The following MTHFD1 variants were observed in gnomAD, a reference collection of about 807,000 sequenced individuals.
The protein encoded by MTHFD1 is methylenetetrahydrofolate dehydrogenase, cyclohydrolase and formyltetrahydrofolate synthetase 1, also known as C-1-tetrahydrofolate synthase, cytoplasmic.
Under a neutral mutation model 110.3 loss-of-function variants are expected in MTHFD1, and 44 were observed. The ratio of observed to expected loss-of-function variants is 0.40; its 90% CI spans 0.31 to 0.51. The LOEUF is 0.51. Ranked by LOEUF, MTHFD1 falls within the 20% of genes least tolerant of loss-of-function variation. The probability of loss-of-function intolerance (pLI) is 0.60; values close to 1 mark genes in which losing one functional copy is unlikely to be tolerated. For synonymous variants in MTHFD1, 402 were observed against 428.8 expected (o/e 0.94, Z 0.77); for missense variants, 909 against 1,173.1 (o/e 0.77, Z 3.29).
chr14:64,441,622 T>A (rs3742611), intron 19 of MTHFD1, 169 bp downstream of exon 19: 52 of 648,906 alleles, frequency 8.0e-5, no homozygotes, highest in East Asian at 4.8e-4. Context: ...CTGGCTAACA[T>A]GGTGAAACCC....
intron 15 of MTHFD1, among the ~76,000 whole-genome samples, chr14:64,434,479 C>G (rs1280437524): frequency 6.6e-6 from 1 of 152,096 alleles, no homozygotes; most frequent in African/African-American, 2.4e-5. Context: ...TCCCTTGAAC[C>G]CAGAAGTTCA....
intron 21 of MTHFD1, among the ~76,000 whole-genome samples, chr14:64,442,638 C>T (rs1596553306): frequency 6.6e-6 from 1 of 152,320 alleles, no homozygotes; most frequent in South Asian, 2.1e-4. Context: ...TTTCGGAGGA[C>T]ATCTGACAAT....
Position 64,415,415 on chromosome 14 carries a change from C to G in MTHFD1, c.298C>G (p.Gln100Glu). The change falls in exon 5 of 28, where the codon CAG becomes GAG. Residue 100 changes from glutamine (Q) to glutamate (E), a missense_variant. This residue lies in a region of MTHFD1 where 424 missense variants were observed against 510.4 expected (regional missense o/e 0.83). Coordinates refer to ENST00000652337, the MANE Select transcript of MTHFD1 (RefSeq NM_005956.4). ...CTCTACTGTACATGGGTTCTTAGTG[C>G]AGCTACCTTTAGATTCAGAGAATTC... ...EDSTVHGFLV[Q>E]LPLDSENSIN... The G allele has an allele frequency of 6.2e-7, 1 of 1,612,934 alleles. No individual in the cohort carries two copies. The highest frequency in any genetic ancestry group is 8.5e-7 in the Non-Finnish European group (1 of 1,178,954).
Position 64,415,463 on chromosome 14 carries a change from A to G in MTHFD1, c.346A>G (p.Asn116Asp). 1 of 1,614,170 alleles carries G rather than the reference A, an allele frequency of 6.2e-7. No individual in the cohort carries two copies. The highest frequency in any genetic ancestry group is 8.5e-7 in the Non-Finnish European group (1 of 1,180,002). Residue 116 changes from asparagine to aspartate, a missense_variant, in exon 5 of 28, where the codon AAT becomes GAT. Asn to Asp is a conservative substitution (Grantham distance 23). Coordinates refer to ENST00000652337, the MANE Select transcript of MTHFD1 (RefSeq NM_005956.4). ...TTCCATTAACACTGAAGAAGTGATC[A>G]ATGCTATTGCACCCGAGAAGGATGT... ...ENSINTEEVI[N>D]AIAPEKDVDG...
intron 1 of MTHFD1, among the ~76,000 whole-genome samples, chr14:64,400,372 G>C (rs965355417): frequency 6.9e-6 from 1 of 144,740 alleles, no homozygotes; most frequent in Non-Finnish European, 1.5e-5. Context: ...TGGGCAATGA[G>C]AGCAAAACTT....
chr14:64,453,486 G>A (rs542295727), intron 24 of MTHFD1, among the ~76,000 whole-genome samples: 54 of 152,228 alleles, frequency 3.5e-4, no homozygotes, highest in Admixed American at 1.6e-3. Context: ...CAGGAGAATC[G>A]CTTGAACCTG....
intron 3 of MTHFD1, 100 bp from the exon 4 acceptor site, chr14:64,412,372 T>C (rs180869066): frequency 2.3e-6 from 2 of 883,460 alleles, no homozygotes; most frequent in African/African-American, 3.3e-5. Flanking sequence ...GGTGAAATGA[T>C]GACCAACACC....
rs1430285060 is a variant in MTHFD1, at chr14:64,454,895, G to T, written c.2718+20G>T. On this transcript the variant is annotated intron_variant, in intron 26 of 27. Coordinates refer to ENST00000652337, the MANE Select transcript of MTHFD1 (RefSeq NM_005956.4). ...GGAACGGTAAGTGCATGCTGCAAGG[G>T]AGTAGTGGGCGCATCTGCACTTCTC... is the stretch of plus-strand genomic sequence containing the variant. 6.2e-7 allele frequency: 1 copy of T among 1,613,628 alleles called. No individual in the cohort carries two copies. The highest frequency in any genetic ancestry group is 8.5e-7 in the Non-Finnish European group (1 of 1,179,542).
chr14:64,437,559 ACTGT>A (rs1189024373), intron 16 of MTHFD1, among the ~76,000 whole-genome samples: 3 of 152,172 alleles, frequency 2.0e-5, no homozygotes, highest in Non-Finnish European at 4.4e-5. Context: ...TCTGACACTA[ACTGT>A]CTGGAGCAGA....
At chr14:64,416,974 G>GAA (rs150373495) in intron 6 of MTHFD1, among the ~76,000 whole-genome samples, 10 of 151,754 alleles carry the variant, frequency 6.6e-5, no homozygotes, top group Admixed American at 2.0e-4. Flanking sequence ...ATCTTTTTCT[G>GAA]AAAAAAAATG....
intron 27 of MTHFD1, chr14:64,458,635 G>A (rs1461282659): frequency 5.1e-6 from 2 of 390,738 alleles, no homozygotes; most frequent in Non-Finnish European, 9.7e-6. Context: ...GAGGCTTGGG[G>A]TTCAGAGTTG....
In MTHFD1 at chr14:64,444,707, G is replaced by C; in HGVS notation, c.2151G>C (p.Leu717=). ...HGGGPTVTAG[L]PLPKAYIQEN... ...TTTCCTTCCAGGTCACTGCTGGACTGCCTCTTCCCAAGGCTTACATACAGG... is the reference window on the plus strand; with the variant it reads ...TTTCCTTCCAGGTCACTGCTGGACTCCCTCTTCCCAAGGCTTACATACAGG... Residue 717 remains leucine, a synonymous_variant, in exon 22 of 28, where the codon CTG becomes CTC. Transcript: ENST00000652337. 1 of 1,614,042 alleles carries C rather than the reference G, an allele frequency of 6.2e-7. No homozygotes were observed. The highest frequency in any genetic ancestry group is 1.1e-5 in the South Asian group (1 of 91,084).
chr14:64,436,781 T>C (rs2078209276), intron 16 of MTHFD1, among the ~76,000 whole-genome samples: 1 of 152,238 alleles, frequency 6.6e-6, no homozygotes, highest in African/African-American at 2.4e-5. Context: ...GGTATAATAT[T>C]TTATAAGGAA....
chr14:64,419,754 GT>G lies in MTHFD1; in HGVS notation c.616-51del, dbSNP rs550983209. The G allele has an allele frequency of 3.0e-4, 329 of 1,087,596 alleles. 1 individual carries two copies. The highest frequency in any genetic ancestry group is 9.8e-4 in the South Asian group (78 of 79,194). 67.4% of individuals were successfully genotyped at this position (1,087,596 alleles called of 1,614,324 possible). On this transcript the variant is annotated intron_variant, in intron 7 of 27. Transcript: ENST00000652337. The stretch of plus-strand genomic sequence containing the variant: ...TCAGGGATATCCTTTTCATTTCTGG[GT>G]TTTTTTTTGGTGTGTATTTCATTAT...
At chr14:64,435,217 C>T (rs1054123640) in intron 15 of MTHFD1, among the ~76,000 whole-genome samples, 2 of 152,024 alleles carry the variant, frequency 1.3e-5, no homozygotes, top group Admixed American at 1.3e-4. Flanking sequence ...TCCCATAGTG[C>T]TGGGATTACA....
chr14:64,408,568 C>T (rs376249088), intron 2 of MTHFD1, among the ~76,000 whole-genome samples: 30 of 152,304 alleles, frequency 2.0e-4, no homozygotes, highest in African/African-American at 5.8e-4. Flanking sequence ...GGATTACAGG[C>T]GTGAGCCACC....
At position 64,389,908 on chromosome 14, in the gene MTHFD1, A is replaced by G. The variant is rs2077791290; in HGVS notation, c.41+1440A>G. 2.0e-5 allele frequency among the ~76,000 whole-genome samples: 3 copies of G among 152,340 alleles called. No individual in the cohort carries two copies. In the South Asian group the frequency reaches 6.2e-4, roughly 32 times the overall value. ...GTGAAGAGATAATTTAGTGCATAAT[A>G]ATAGTGCAGATAATTTAGTACAATA... On this transcript the variant is annotated intron_variant, in intron 1 of 27. Transcript: ENST00000652337.
intron 15 of MTHFD1, among the ~76,000 whole-genome samples, chr14:64,433,092 T>G (rs969154680): frequency 2.0e-5 from 3 of 151,898 alleles, no homozygotes; most frequent in African/African-American, 7.3e-5. Flanking sequence ...GTTTTTCTGT[T>G]TTTTAATTTT....
At chr14:64,391,361 C>T (rs2077803375) in intron 1 of MTHFD1, among the ~76,000 whole-genome samples, 1 of 152,146 alleles carries the variant, frequency 6.6e-6, no homozygotes, top group Non-Finnish European at 1.5e-5. Flanking sequence ...GATGGGGTTT[C>T]GCCATGTTGG....
Sources: allele counts gnomAD v4.1 joint callset (sites outside exome capture counted in the v4.1 genomes callset), GRCh38; gene constraint gnomAD v4.1.1; regional missense constraint gnomAD v4.1.1; transcripts MANE v1.5; gene names NCBI Gene and HGNC (gene_info 2026-07-23, HGNC 2026-07-21).